EBF1: variants seen among roughly 807,000 people sequenced by gnomAD.
EBF1 encodes the protein EBF transcription factor 1, also known as transcription factor COE1.
A neutral mutation model predicts 68.4 loss-of-function variants in EBF1; 10 were observed. That is an observed-to-expected ratio of 0.15 (90% CI 0.09 to 0.25). The LOEUF (loss-of-function observed/expected upper bound fraction) is 0.25. Ranked by LOEUF, EBF1 falls within the 10% of genes least tolerant of loss-of-function variation. The pLI, the probability that EBF1 is intolerant of heterozygous loss-of-function variation, is 1.00. For synonymous variants in EBF1, 298 were observed against 299.8 expected (o/e 0.99, Z 0.06); for missense variants, 509 against 794.4 (o/e 0.64, Z 4.32).
intron 9 of EBF1, among the ~76,000 whole-genome samples, chr5:158,785,286 T>G (rs1777203003): frequency 1.3e-5 from 2 of 152,196 alleles, no homozygotes; most frequent in South Asian, 4.1e-4. Flanking sequence ...CATGCATCTT[T>G]TTGGAGTTAG....
chr5:158,730,255 CCT>C (rs1325382189), intron 11 of EBF1, among the ~76,000 whole-genome samples: 1 of 152,216 alleles, frequency 6.6e-6, no homozygotes, highest in Non-Finnish European at 1.5e-5. Flanking sequence ...ACTGCCCTCT[CCT>C]CTGAGTCCTC....
intron 8 of EBF1, among the ~76,000 whole-genome samples, chr5:158,812,006 T>C (rs546196662): frequency 6.6e-6 from 1 of 152,302 alleles, no homozygotes; most frequent in African/African-American, 2.4e-5. Flanking sequence ...TTGTACCTTA[T>C]AGCACTTAAC....
intron 6 of EBF1, among the ~76,000 whole-genome samples, chr5:158,957,342 C>T (rs1324413687): frequency 6.6e-6 from 1 of 152,130 alleles, no homozygotes; most frequent in Non-Finnish European, 1.5e-5. Flanking sequence ...AAGATTAAGT[C>T]ACATAAGAAA....
chr5:158,838,875 A>G (rs907819703), intron 7 of EBF1, among the ~76,000 whole-genome samples: 5 of 120,292 alleles, frequency 4.2e-5, no homozygotes, highest in African/African-American at 1.6e-4. Flanking sequence ...ACTAACATTG[A>G]CCATACAAAT....
At chr5:158,710,436 C>A (rs1581207773) in intron 14 of EBF1, among the ~76,000 whole-genome samples, 1 of 152,214 alleles carries the variant, frequency 6.6e-6, no homozygotes, top group African/African-American at 2.4e-5. Context: ...ATGATCGAAA[C>A]ATTTTCTGAC....
At chr5:159,022,775 T>C (rs1352771253) in intron 6 of EBF1, among the ~76,000 whole-genome samples, 1 of 151,468 alleles carries the variant, frequency 6.6e-6, no homozygotes, top group East Asian at 1.9e-4. Flanking sequence ...TCAAAGTCAC[T>C]CCTCAACTCA....
chr5:158,823,803 C>A (rs566584823), intron 7 of EBF1, among the ~76,000 whole-genome samples: 2 of 152,216 alleles, frequency 1.3e-5, no homozygotes, highest in Non-Finnish European at 1.5e-5. Flanking sequence ...TCCTGGATGT[C>A]TTTTTGAGAT....
At chr5:158,831,258 C>G (rs1787496404) in intron 7 of EBF1, among the ~76,000 whole-genome samples, 1 of 152,082 alleles carries the variant, frequency 6.6e-6, no homozygotes, top group Non-Finnish European at 1.5e-5. Context: ...AAATCAGGAG[C>G]AAGAAAATGG....
intron 8 of EBF1, among the ~76,000 whole-genome samples, chr5:158,814,924 A>C (rs1783416040): frequency 1.3e-5 from 2 of 152,220 alleles, no homozygotes; most frequent in African/African-American, 4.8e-5. Context: ...AATCAACTAT[A>C]AAGTAAATAT....
chr5:158,914,649 T>A (rs1806759110), intron 6 of EBF1, among the ~76,000 whole-genome samples: 1 of 152,128 alleles, frequency 6.6e-6, no homozygotes, highest in South Asian at 2.1e-4. Flanking sequence ...TCAAAAAAGT[T>A]TCTTCGAAAG....
rs76473960 is a variant in EBF1, at chr5:158,696,192, T to C, written c.*2919A>G. ...CCAGTCATCCAGAAGCTGTATTTTT[T>C]CCCCCAACACTGAAATCTTAATTTA... On this transcript the variant is annotated 3_prime_UTR_variant, in exon 16 of 16. Coordinates refer to ENST00000313708, the MANE Select transcript of EBF1 (RefSeq NM_024007.5). 1,984 of 217,356 alleles carry C rather than the reference T, an allele frequency of 9.1e-3. 15 individuals are homozygous for C. The highest frequency in any genetic ancestry group is 0.01 in the Non-Finnish European group (1,127 of 108,000). The allele number at this position is 217,356 out of a possible 1,614,324, so 13.5% of individuals were successfully genotyped here.
intron 6 of EBF1, among the ~76,000 whole-genome samples, chr5:158,842,631 T>C (rs1790557456): frequency 6.6e-6 from 1 of 152,186 alleles, no homozygotes; most frequent in Non-Finnish European, 1.5e-5. Flanking sequence ...CCTTACTGTA[T>C]AGGGAAACTG....
chr5:158,760,116 TTAA>T (rs1771081097), intron 10 of EBF1, among the ~76,000 whole-genome samples: 2 of 152,316 alleles, frequency 1.3e-5, no homozygotes, highest in South Asian at 4.1e-4. Flanking sequence ...TCTAGGTGAA[TTAA>T]TAAATTCACG....
intron 6 of EBF1, among the ~76,000 whole-genome samples, chr5:158,841,642 A>G (rs1790356017): frequency 6.6e-6 from 1 of 152,176 alleles, no homozygotes; most frequent in South Asian, 2.1e-4. Context: ...TCTGACTGCA[A>G]TGTCTGTCAA....
rs1343467492 is a variant in EBF1, at chr5:159,099,599, T to C, written c.-121A>G. On this transcript the variant is annotated 5_prime_UTR_variant, in exon 1 of 16. Transcript: ENST00000313708. ...AACGCCAACCAGAGATTTTTTTTTT[T>C]CTCAGACGATGAACTCGCACTTAGA... The C allele has an allele frequency of 2.3e-6, 3 of 1,307,044 alleles. No homozygotes were observed. Among genetic ancestry groups the C allele is most frequent in the East Asian group, 2.8e-5 (1 of 35,724 alleles). 81.0% of individuals were successfully genotyped at this position (1,307,044 alleles called of 1,614,324 possible).
chr5:158,788,490 T>A (rs989814123), intron 9 of EBF1, among the ~76,000 whole-genome samples: 2 of 152,170 alleles, frequency 1.3e-5, no homozygotes, highest in African/African-American at 2.4e-5. Flanking sequence ...AAAAGAAAGG[T>A]TGGAGTCAAG....
intron 8 of EBF1, among the ~76,000 whole-genome samples, chr5:158,822,819 TGTGGC>T (rs1326910052): frequency 2.0e-5 from 3 of 152,218 alleles, no homozygotes; most frequent in Admixed American, 1.3e-4. Flanking sequence ...TACCAAATTG[TGTGGC>T]CTTTCCTTAT....
intron 6 of EBF1, among the ~76,000 whole-genome samples, chr5:158,943,180 G>C (rs1223866046): frequency 1.3e-5 from 2 of 152,100 alleles, no homozygotes; most frequent in Non-Finnish European, 2.9e-5. Flanking sequence ...CTTTCAGGAG[G>C]TCACATTAAT....
chr5:158,996,017 C>T (rs927829700), intron 6 of EBF1, among the ~76,000 whole-genome samples: 2 of 152,268 alleles, frequency 1.3e-5, no homozygotes, highest in South Asian at 2.1e-4. Flanking sequence ...CTGTTTCTAG[C>T]TGTCTGGCCT....
Sources: gnomAD v4.1 joint callset for allele counts (sites outside exome capture counted in the v4.1 genomes callset) on GRCh38, gnomAD v4.1.1 for gene constraint, MANE v1.5 for transcripts, NCBI Gene and HGNC (gene_info 2026-07-23, HGNC 2026-07-21) for gene names.